DPRX: variants seen among roughly 807,000 people sequenced by gnomAD.
DPRX encodes divergent-paired related homeobox, also known as divergent paired-related homeobox.
In DPRX, 11 loss-of-function variants were observed where a neutral mutation model predicts 8.4. The ratio of observed to expected loss-of-function variants is 1.31; its 90% CI spans 0.82 to 2.17. DPRX has a LOEUF of 2.17. Among genes scored for constraint, DPRX ranks in the 30% most tolerant of loss-of-function variants. The pLI, the probability that DPRX is intolerant of heterozygous loss-of-function variation, is 0.00. For missense variants in DPRX, 211 were observed against 236.7 expected (o/e 0.89, Z 0.71); for synonymous variants, 72 against 87.0 (o/e 0.83, Z 0.96).
intron 1 of DPRX, 139 bp downstream of exon 1, chr19:53,632,273 T>C (rs1225649094): frequency 1.9e-6 from 2 of 1,033,060 alleles, no homozygotes; most frequent in Admixed American, 2.1e-5. Context: ...CCACAGAGGC[T>C]GTCATCGTTT....
chr19:53,623,345 A>ATAAC, the DPRX span, among the ~76,000 whole-genome samples: 11 of 150,670 alleles, frequency 7.3e-5, no homozygotes, highest in South Asian at 2.1e-4. Context: ...AAATAAATAA[A>ATAAC]AGGCCATTCC....
chr19:53,625,023 C>G, the DPRX span, among the ~76,000 whole-genome samples: 3 of 151,230 alleles, frequency 2.0e-5, no homozygotes, highest in Non-Finnish European at 4.4e-5. Flanking sequence ...TCAGTCATTC[C>G]CCTTAAAGGA....
the DPRX span, among the ~76,000 whole-genome samples, chr19:53,620,744 A>C: frequency 2.7e-3 from 412 of 152,198 alleles, 1 homozygote; most frequent in African/African-American, 9.2e-3. Context: ...GCTGGAGTGC[A>C]GTGGCATGAT....
At chr19:53,632,471 T>G (rs1176029599) in intron 1 of DPRX, among the ~76,000 whole-genome samples, 1 of 150,774 alleles carries the variant, frequency 6.6e-6, no homozygotes, top group Non-Finnish European at 1.5e-5. Flanking sequence ...TGGCTAATTT[T>G]TTTTTTTTTT....
the DPRX span, among the ~76,000 whole-genome samples, chr19:53,609,273 G>A: frequency 6.6e-6 from 1 of 151,256 alleles, no homozygotes; most frequent in African/African-American, 2.4e-5. Context: ...TTCAAGACCA[G>A]CCTGGGCAAC....
chr19:53,602,267 G>GTGTGTGTGTGT, the DPRX span: 1 of 276,096 alleles, frequency 3.6e-6, no homozygotes, highest in Non-Finnish European at 7.1e-6. Context: ...TATGGGTATG[G>GTGTGTGTGTGT]GTGTGTGTGT....
At chr19:53,624,652 T>G in the DPRX span, among the ~76,000 whole-genome samples, 1 of 151,706 alleles carries the variant, frequency 6.6e-6, no homozygotes, top group Non-Finnish European at 1.5e-5. Flanking sequence ...TGGCCACAAG[T>G]GATCCACCTG....
the DPRX span, among the ~76,000 whole-genome samples, chr19:53,620,828 AG>A: frequency 4.6e-5 from 7 of 152,262 alleles, no homozygotes; most frequent in South Asian, 1.4e-3. Flanking sequence ...TCCTGACCTC[AG>A]GTGATCCACT....
chr19:53,632,163 A>G (rs553821715), intron 1 of DPRX, 29 bp downstream of exon 1: 1 of 1,614,022 alleles, frequency 6.2e-7, no homozygotes, highest in African/African-American at 1.3e-5. Context: ...GAACCGAAGC[A>G]AAGACACGTG....
At chr19:53,601,769 A>C in the DPRX span, among the ~76,000 whole-genome samples, 1 of 152,036 alleles carries the variant, frequency 6.6e-6, no homozygotes, top group Non-Finnish European at 1.5e-5. Context: ...GGTGTGAGCC[A>C]CCTCACCTGG....
At chr19:53,616,930 C>T in the DPRX span, 1 of 1,333,326 alleles carries the variant, frequency 7.5e-7, no homozygotes, top group Non-Finnish European at 1.1e-6. Flanking sequence ...GTCTTACTTC[C>T]TCATCACCAG....
At chr19:53,627,435 C>CTTT (rs759332421), upstream of DPRX, among the ~76,000 whole-genome samples, 299 of 102,502 alleles carry the variant, frequency 2.9e-3, 5 homozygotes, top group African/African-American at 6.4e-3. Context: ...TTCTTTCTTT[C>CTTT]TTTCTTTTTT....
intron 1 of DPRX, among the ~76,000 whole-genome samples, chr19:53,633,952 T>A (rs1169626484): frequency 6.6e-6 from 1 of 151,958 alleles, no homozygotes; most frequent in African/African-American, 2.4e-5. Context: ...ATTTAAATGA[T>A]AACAGAAAAA....
the DPRX span, chr19:53,606,765 GCTT>G: frequency 6.6e-6 from 1 of 151,598 alleles, no homozygotes; most frequent in African/African-American, 2.4e-5. The surrounding 1 kb of genome is among the most constrained non-coding windows in gnomAD (Gnocchi z 4.8). Flanking sequence ...AGGGTGGAGG[GCTT>G]CTTCTCCTGC....
At chr19:53,608,286 A>T in the DPRX span, 18 of 151,944 alleles carry the variant, frequency 1.2e-4, no homozygotes, top group East Asian at 3.5e-3. Context: ...TCGTTGGACC[A>T]CCCCAGCTCG....
chr19:53,602,311 TGC>T, the DPRX span: 1 of 313,500 alleles, frequency 3.2e-6, no homozygotes, highest in Non-Finnish European at 6.2e-6. Context: ...TGTGTGTGTG[TGC>T]CAGCCTCCCA....
At chr19:53,624,056 T>C in the DPRX span, among the ~76,000 whole-genome samples, 1 of 148,280 alleles carries the variant, frequency 6.7e-6, no homozygotes, top group Non-Finnish European at 1.5e-5. Flanking sequence ...GTGTATTTCA[T>C]ATTAATGCAC....
the DPRX span, among the ~76,000 whole-genome samples, chr19:53,621,437 T>G: frequency 6.6e-6 from 1 of 152,084 alleles, no homozygotes; most frequent in Non-Finnish European, 1.5e-5. Context: ...CCAGCCTCAT[T>G]TCTATATGTA....
chr19:53,616,802 A>G, the DPRX span: 1 of 1,589,368 alleles, frequency 6.3e-7, no homozygotes, highest in Non-Finnish European at 8.6e-7. Context: ...GCTGCCACCA[A>G]CATGGAGACT....
Sources: gnomAD v4.1 joint callset for allele counts (sites outside exome capture counted in the v4.1 genomes callset) on GRCh38, gnomAD v4.1.1 for gene constraint, Gnocchi (gnomAD v3.1) non-coding constraint, MANE v1.5 for transcripts, NCBI Gene and HGNC (gene_info 2026-07-23, HGNC 2026-07-21) for gene names.